CCDC77: variants seen among roughly 807,000 people sequenced by gnomAD.
CCDC77 encodes the protein coiled-coil domain containing 77.
Under a neutral mutation model 66.8 loss-of-function variants are expected in CCDC77, and 56 were observed. The ratio of observed to expected loss-of-function variants is 0.84; its 90% CI spans 0.68 to 1.05. CCDC77 has a LOEUF of 1.05. Among genes scored for constraint, CCDC77 ranks in the 50% least tolerant of loss-of-function variants. The pLI, the probability that CCDC77 is intolerant of heterozygous loss-of-function variation, is 0.00. For synonymous variants in CCDC77, 196 were observed against 195.2 expected (o/e 1.00, Z -0.03); for missense variants, 570 against 576.8 (o/e 0.99, Z 0.12).
chr12:427,064 G>C (rs1029148265), intron 5 of CCDC77, among the ~76,000 whole-genome samples: 1 of 152,064 alleles, frequency 6.6e-6, no homozygotes, highest in African/African-American at 2.4e-5. Context: ...GGCCAACATG[G>C]TGAAACCCCA....
Position 430,541 on chromosome 12 carries a change from T to C in CCDC77, c.511-123T>C, listed in dbSNP as rs1591988687. The C allele has an allele frequency of 1.6e-5, 12 of 751,802 alleles. No homozygotes were observed. The East Asian group carries it at 3.0e-4, about 19-fold the overall frequency. 46.6% of individuals were successfully genotyped at this position (751,802 alleles called of 1,614,324 possible). A position where few individuals can be genotyped will look rare whatever the true frequency, so the allele number is the denominator to read the frequency against. ...GTGGTCTGTCATGTGCATGACATCC[T>C]TATATGATCATATCAGTTTTGACTA... is the stretch of plus-strand genomic sequence containing the variant. On this transcript the variant is annotated intron_variant, in intron 6 of 12. Transcript: ENST00000239830.
intron 3 of CCDC77, among the ~76,000 whole-genome samples, chr12:410,345 G>A (rs756137387): frequency 4.0e-5 from 6 of 151,446 alleles, no homozygotes; most frequent in African/African-American, 9.7e-5. Context: ...TTGGCTCACC[G>A]CAACGTCTGC....
At position 413,465 on chromosome 12, in the gene CCDC77, G is replaced by T. The variant is rs538864227; in HGVS notation, c.270+1487G>T. On this transcript the variant is annotated intron_variant, in intron 4 of 12. Transcript: ENST00000239830. ...CGTGTTAGCCAGGATGGTCTCGATC[G>T]CCTGACCTCGTGATCCACCCGCCTC... 2.1e-3 allele frequency among the ~76,000 whole-genome samples: 317 copies of T among 148,320 alleles called. 1 individual carries two copies. The highest frequency in any genetic ancestry group is 7.2e-3 in the African/African-American group (289 of 40,160).
chr12:428,765 GCAGGGAGCTAGAAGA>G lies in CCDC77; in HGVS notation c.414-1_427del. 1.3e-6 allele frequency: 2 copies of G among 1,596,414 alleles called. No individual in the cohort carries two copies. The highest frequency in any genetic ancestry group is 1.7e-6 in the Non-Finnish European group (2 of 1,169,664). On this transcript the variant is annotated splice_acceptor_variant and splice_polypyrimidine_tract_variant and coding_sequence_variant and intron_variant, in exon 6 of 13. Coordinates refer to ENST00000239830, the MANE Select transcript of CCDC77 (RefSeq NM_032358.4). LOFTEE classifies it high-confidence loss of function. ...TATGTGCTTGCTTTCCATGAGAATT[GCAGGGAGCTAGAAGA>G]CAAGAAAAAGATTCAGAATCTCTTG... is the stretch of plus-strand genomic sequence containing the variant.
chr12:439,007 G>A (rs945028555), intron 10 of CCDC77, among the ~76,000 whole-genome samples: 5 of 151,980 alleles, frequency 3.3e-5, no homozygotes, highest in African/African-American at 1.2e-4. Context: ...GAACCCGGGA[G>A]GCAGAAGTTG....
intron 4 of CCDC77, among the ~76,000 whole-genome samples, chr12:412,865 C>T (rs1945140023): frequency 6.6e-6 from 1 of 152,214 alleles, no homozygotes; most frequent in Non-Finnish European, 1.5e-5. Flanking sequence ...CTCTCAACAT[C>T]TTTTCTGCCA....
At chr12:416,915 G>A (rs1457905122) in intron 4 of CCDC77, among the ~76,000 whole-genome samples, 3 of 93,746 alleles carry the variant, frequency 3.2e-5, no homozygotes, top group African/African-American at 7.4e-5. Flanking sequence ...CGAGGCCGGC[G>A]GATCACCTGG....
At chr12:398,517 G>A (rs569427093), upstream of CCDC77, among the ~76,000 whole-genome samples, 2 of 151,330 alleles carry the variant, frequency 1.3e-5, no homozygotes, top group South Asian at 4.2e-4. Flanking sequence ...TGGGCTCACT[G>A]CAACCTCTGC....
At chr12:436,733 C>T (rs567562898) in intron 9 of CCDC77, 5 of 978,646 alleles carry the variant, frequency 5.1e-6, no homozygotes, top group Non-Finnish European at 3.6e-6. Context: ...CCTTGTTTAG[C>T]GTTATCTGCA....
chr12:438,752 C>G (rs537674407), intron 10 of CCDC77, 198 bp downstream of exon 10: 98 of 505,094 alleles, frequency 1.9e-4, no homozygotes, highest in African/African-American at 1.8e-3. Context: ...TTGATTCATT[C>G]ATTCATTCAT....
intron 4 of CCDC77, among the ~76,000 whole-genome samples, chr12:416,334 GGTGTGTGGGGGTGTGTGTGTGT>G (rs1374308840): frequency 0.01 from 523 of 50,714 alleles, 69 homozygotes; most frequent in Middle Eastern, 0.029. Flanking sequence ...TGAGTCTGTG[GGTGTGTGGGGGTGTGTGTGTGT>G]GTGTGTGTGT....
chr12:416,337 G>C lies in CCDC77; in HGVS notation c.271-2157G>C, dbSNP rs1421962734. 2.4e-3 allele frequency among the ~76,000 whole-genome samples: 107 copies of C among 45,182 alleles called. 4 individuals are homozygous for C. In the South Asian group the frequency reaches 0.028, roughly 12 times the overall value. The allele number at this position is 45,182 out of a possible 152,430, so 29.6% of individuals were successfully genotyped here. On this transcript the variant is annotated intron_variant, in intron 4 of 12. Coordinates refer to ENST00000239830, the MANE Select transcript of CCDC77 (RefSeq NM_032358.4). ...TGTGTGTGTGTGTGAGTCTGTGGGTGTGTGGGGGTGTGTGTGTGTGTGTGT... is the reference window on the plus strand; with the variant it reads ...TGTGTGTGTGTGTGAGTCTGTGGGTCTGTGGGGGTGTGTGTGTGTGTGTGT...
At position 430,680 on chromosome 12, in the gene CCDC77, A is replaced by G; in HGVS notation, c.527A>G (p.Lys176Arg). Residue 176 changes from lysine to arginine, a missense_variant, in exon 7 of 13, where the codon AAG becomes AGG. Lys to Arg is a conservative substitution (Grantham distance 26). Coordinates refer to ENST00000239830, the MANE Select transcript of CCDC77 (RefSeq NM_032358.4). ...EPPHKVTILQKTIQAVGECEQ... is the reference protein window; with the variant it reads ...EPPHKVTILQRTIQAVGECEQ... The stretch of plus-strand genomic sequence containing the variant: ...CTTCTTCAGGTCACCATTCTCCAAA[A>G]GACTATCCAGGCTGTAGGTGAATGT... 3 of 1,613,952 alleles carry G rather than the reference A, an allele frequency of 1.9e-6. No individual in the cohort carries two copies. The highest frequency in any genetic ancestry group is 2.5e-6 in the Non-Finnish European group (3 of 1,179,780).
intron 3 of CCDC77, 73 bp from the exon 4 acceptor site, chr12:411,674 C>G: frequency 1.6e-6 from 2 of 1,269,460 alleles, no homozygotes; most frequent in Non-Finnish European, 1.1e-6. Flanking sequence ...ACAAAACCCC[C>G]TTTTATTTAG....
chr12:407,180 A>G (rs10774169), intron 2 of CCDC77, among the ~76,000 whole-genome samples: 99,205 of 152,040 alleles, frequency 0.65, 33,093 homozygotes, highest in Non-Finnish European at 0.73. Context: ...GACCAGGGCA[A>G]TGAGGGCATA....
At chr12:401,994 A>T (rs1944905088) in intron 1 of CCDC77, among the ~76,000 whole-genome samples, 1 of 152,216 alleles carries the variant, frequency 6.6e-6, no homozygotes, top group African/African-American at 2.4e-5. Context: ...ACGCTGGTCT[A>T]GCTCTCAGTT....
At chr12:426,664 T>C (rs939885865) in intron 5 of CCDC77, among the ~76,000 whole-genome samples, 10 of 152,136 alleles carry the variant, frequency 6.6e-5, no homozygotes, top group African/African-American at 2.4e-4. Flanking sequence ...ATTTGGTGGA[T>C]CCAGTAGACC....
intron 9 of CCDC77, among the ~76,000 whole-genome samples, chr12:436,284 AT>A (rs530855014): frequency 0.025 from 3,609 of 146,004 alleles, 44 homozygotes; most frequent in Middle Eastern, 0.032. Flanking sequence ...CGCCCGGCTA[AT>A]TTTTTTTTTT....
chr12:438,413 G>C lies in CCDC77; in HGVS notation c.900G>C (p.Glu300Asp), dbSNP rs771872251. The change falls in exon 10 of 13, where the codon GAG becomes GAC. Residue 300 changes from glutamate to aspartate, a missense_variant. Transcript: ENST00000239830. ...LQLRSENQNK[E>D]KSWMLEKDNL... ...TCAGATCTGAAAACCAAAATAAAGA[G>C]AAGTCATGGATGCTTGAAAAAGATA... The C allele has an allele frequency of 6.2e-7, 1 of 1,613,990 alleles. No individual in the cohort carries two copies. The highest frequency in any genetic ancestry group is 8.5e-7 in the Non-Finnish European group (1 of 1,179,894).
Sources: gnomAD v4.1 joint callset for allele counts (sites outside exome capture counted in the v4.1 genomes callset) on GRCh38, gnomAD v4.1.1 for gene constraint, MANE v1.5 for transcripts, NCBI Gene and HGNC (gene_info 2026-07-23, HGNC 2026-07-21) for gene names.